Variants in HDAC9 observed in about 807,000 individuals in gnomAD.
HDAC9 encodes the protein MEF-2 interacting transcription repressor (MITR) protein.
A neutral mutation model predicts 139.4 loss-of-function variants in HDAC9; 41 were observed. The observed-to-expected ratio is 0.29, with a 90% CI of 0.23 to 0.38. The LOEUF is 0.38. HDAC9 is among the 10% of genes least tolerant of loss of function. HDAC9 has a pLI of 1.00. For synonymous variants in HDAC9, 517 were observed against 476.2 expected (o/e 1.09, Z -1.12); for missense variants, 1,147 against 1,297.0 (o/e 0.88, Z 1.78).
intron 14 of HDAC9, among the ~76,000 whole-genome samples, chr7:18,758,747 T>G (rs1789103901): frequency 6.6e-6 from 1 of 152,042 alleles, no homozygotes; most frequent in Non-Finnish European, 1.5e-5. Context: ...GATACAAATT[T>G]CAAAACATGC....
At chr7:18,441,953 G>T (rs1344983525) in intron 1 of HDAC9, among the ~76,000 whole-genome samples, 1 of 152,020 alleles carries the variant, frequency 6.6e-6, no homozygotes, top group African/African-American at 2.4e-5. Context: ...TGTATTTTTA[G>T]TAGAGACAGG....
intron 1 of HDAC9, among the ~76,000 whole-genome samples, chr7:18,427,836 AGAAATTATTCACCGTGCATAACT>A (rs1446537002): frequency 1.3e-5 from 2 of 151,874 alleles, no homozygotes; most frequent in African/African-American, 4.8e-5. Context: ...CAGCTCTTTT[AGAAATTATTCACCGTGCATAACT>A]GAAATTTTAT....
chr7:18,548,278 G>T (rs756085126), intron 2 of HDAC9, among the ~76,000 whole-genome samples: 3 of 151,866 alleles, frequency 2.0e-5, no homozygotes, highest in Non-Finnish European at 4.4e-5. Context: ...AATTACACTA[G>T]TAACATCAAA....
At chr7:18,877,604 T>C (rs1799416618) in intron 22 of HDAC9, among the ~76,000 whole-genome samples, 1 of 152,312 alleles carries the variant, frequency 6.6e-6, no homozygotes, top group African/African-American at 2.4e-5. Context: ...TCTTAGCACA[T>C]TGAGTCAATC....
At position 18,809,945 on chromosome 7, in the gene HDAC9, A is replaced by G. The variant is rs62446637; in HGVS notation, c.2322+16493A>G. On this transcript the variant is annotated intron_variant, in intron 17 of 25. Coordinates refer to ENST00000686413, the MANE Select transcript of HDAC9 (RefSeq NM_178425.4). ...CATGCTCTTTGAAGCATTACTCACA[A>G]TAGGCAAGATACGGAAAAAACCTAA... Among the ~76,000 whole-genome samples the G allele has an allele frequency of 6.1e-3, 928 of 152,134 alleles. 4 individuals carry two copies. Among genetic ancestry groups the G allele is most frequent in the Non-Finnish European group, 8.9e-3 (602 of 67,876 alleles).
intron 12 of HDAC9, among the ~76,000 whole-genome samples, chr7:18,721,732 GCAAAACAAAA>G (rs777899148): frequency 6.1e-4 from 93 of 151,816 alleles, no homozygotes; most frequent in Admixed American, 1.0e-3. Context: ...AGAAAGCAAA[GCAAAACAAAA>G]CAAAACAAAA....
intron 1 of HDAC9, among the ~76,000 whole-genome samples, chr7:18,110,225 C>T (rs1783517481): frequency 1.3e-5 from 2 of 152,256 alleles, no homozygotes; most frequent in South Asian, 4.1e-4. Flanking sequence ...TGAATTCCTA[C>T]TATGTGTTTG....
rs142729837 is a variant in HDAC9, at chr7:18,308,720, C to A, written c.-42+18205C>A. Among the ~76,000 whole-genome samples, 9 of 152,040 alleles carry A rather than the reference C, an allele frequency of 5.9e-5. No individual in the cohort carries two copies. In the East Asian group the frequency reaches 1.7e-3, roughly 29 times the overall value. On this transcript the variant is annotated intron_variant, in intron 1 of 3. Coordinates refer to the HDAC9 transcript ENST00000413509. ...AGTTACATATATATATATGTGTGTA[C>A]GTGTGTATATATATCTGTAGGATAT...
At chr7:18,362,195 T>G (rs1783835334) in intron 1 of HDAC9, among the ~76,000 whole-genome samples, 1 of 152,240 alleles carries the variant, frequency 6.6e-6, no homozygotes, top group African/African-American at 2.4e-5. Flanking sequence ...ATGTAGACTT[T>G]CCGCATTTAT....
intron 1 of HDAC9, among the ~76,000 whole-genome samples, chr7:18,161,298 G>A (rs570509771): frequency 8.4e-4 from 128 of 152,156 alleles, no homozygotes; most frequent in African/African-American, 2.7e-3. Context: ...TTTATATCTG[G>A]CTTTATATAT....
In HDAC9 at chr7:18,590,378, C is replaced by T. The variant is rs374910203; in HGVS notation, c.307C>T (p.Leu103=). 1.2e-6 allele frequency: 2 copies of T among 1,611,820 alleles called. No homozygotes were observed. The highest frequency in any genetic ancestry group is 1.3e-5 in the African/African-American group (1 of 74,970). The change falls in exon 4 of 26, where the codon CTA becomes TTA. Residue 103 remains leucine, a synonymous_variant. Transcript: ENST00000686413. ...LLAIKQQQEL[L]EKEQKLEQQR... is the part of the protein sequence containing the mutation. ...AGCCATAAAACAGCAACAAGAACTC[C>T]TAGAAAAGGAGCAGAAACTGGAGCA...
At chr7:18,698,265 A>C (rs1229201336) in intron 12 of HDAC9, among the ~76,000 whole-genome samples, 2 of 152,180 alleles carry the variant, frequency 1.3e-5, no homozygotes, top group Admixed American at 1.3e-4. Context: ...CGTCATTCTT[A>C]ATGCTCTAAA....
intron 1 of HDAC9, among the ~76,000 whole-genome samples, chr7:18,131,689 C>T (rs1785020642): frequency 6.6e-6 from 1 of 152,054 alleles, no homozygotes; most frequent in African/African-American, 2.4e-5. Flanking sequence ...AAGCAAAGGA[C>T]AGAAACTCTG....
chr7:18,938,322 G>A (rs1262374963), intron 23 of HDAC9, among the ~76,000 whole-genome samples: 2 of 151,570 alleles, frequency 1.3e-5, no homozygotes, highest in Admixed American at 1.3e-4. Context: ...CTGGCCGGGC[G>A]CGGTGTCTCA....
intron 22 of HDAC9, chr7:18,892,610 A>C (rs538386165): frequency 6.6e-6 from 1 of 152,070 alleles, no homozygotes; most frequent in Non-Finnish European, 1.5e-5. Flanking sequence ...GGAGAGCATA[A>C]CTCTTCCACT....
chr7:18,655,733 A>G (rs1790920711), intron 11 of HDAC9, among the ~76,000 whole-genome samples: 1 of 152,130 alleles, frequency 6.6e-6, no homozygotes, highest in South Asian at 2.1e-4. Flanking sequence ...AGGGACCTAG[A>G]CCTTTCCTTT....
intron 1 of HDAC9, among the ~76,000 whole-genome samples, chr7:18,359,681 T>C (rs1783621548): frequency 6.6e-6 from 1 of 152,144 alleles, no homozygotes; most frequent in Non-Finnish European, 1.5e-5. Context: ...CACTCTCAGC[T>C]CACTGTAACC....
At chr7:18,455,909 T>C (rs1793300440) in intron 1 of HDAC9, among the ~76,000 whole-genome samples, 1 of 152,152 alleles carries the variant, frequency 6.6e-6, no homozygotes, top group South Asian at 2.1e-4. Flanking sequence ...ACATCAGCTA[T>C]AACCAGAAAA....
At chr7:18,149,438 C>T (rs1169342902) in intron 1 of HDAC9, among the ~76,000 whole-genome samples, 4 of 150,004 alleles carry the variant, frequency 2.7e-5, no homozygotes, top group Admixed American at 6.6e-5. Flanking sequence ...TCACTGTAGC[C>T]TTGGCCTCCT....
Sources: gnomAD v4.1 joint callset for allele counts (sites outside exome capture counted in the v4.1 genomes callset) on GRCh38, gnomAD v4.1.1 for gene constraint, MANE v1.5 for transcripts, NCBI Gene and HGNC (gene_info 2026-07-23, HGNC 2026-07-21) for gene names.